EIF4G3: variants seen among roughly 807,000 people sequenced by gnomAD.
EIF4G3 encodes the protein eIF-4-gamma 3.
In EIF4G3, 34 loss-of-function variants were observed where a neutral mutation model predicts 186.4. That is an observed-to-expected ratio of 0.18 (90% CI 0.14 to 0.24). The LOEUF (loss-of-function observed/expected upper bound fraction) is 0.24. Among genes scored for constraint, EIF4G3 ranks in the 10% least tolerant of loss-of-function variants. The pLI, the probability that EIF4G3 is intolerant of heterozygous loss-of-function variation, is 1.00. For synonymous variants in EIF4G3, 673 were observed against 679.5 expected (o/e 0.99, Z 0.15); for missense variants, 1,536 against 1,948.5 (o/e 0.79, Z 3.99).
intron 10 of EIF4G3, among the ~76,000 whole-genome samples, chr1:20,976,146 GA>G (rs957953554): frequency 9.3e-5 from 14 of 150,292 alleles, no homozygotes; most frequent in African/African-American, 3.2e-4. Context: ...TTTTTTATGT[GA>G]ACCTTGGTTT....
chr1:20,980,279 C>T, intron 10 of EIF4G3, 55 bp downstream of exon 10: 1 of 1,334,752 alleles, frequency 7.5e-7, no homozygotes, highest in Non-Finnish European at 1.0e-6. Flanking sequence ...CACCAAGCAA[C>T]AAAATTAAAT....
intron 2 of EIF4G3, among the ~76,000 whole-genome samples, chr1:21,166,792 G>T (rs1018463347): frequency 6.6e-6 from 1 of 151,844 alleles, no homozygotes. Context: ...GTTTTGGGGG[G>T]TTTTTTTGAG....
intron 3 of EIF4G3, among the ~76,000 whole-genome samples, chr1:21,085,066 T>C (rs1003105317): frequency 6.6e-6 from 1 of 151,224 alleles, no homozygotes; most frequent in Non-Finnish European, 1.5e-5. Flanking sequence ...AGAAATGTTA[T>C]CTAAGGAATG....
intron 10 of EIF4G3, among the ~76,000 whole-genome samples, chr1:20,974,419 T>C (rs1212897001): frequency 6.6e-6 from 1 of 152,102 alleles, no homozygotes; most frequent in Non-Finnish European, 1.5e-5. Context: ...TATTCAAGAA[T>C]GAGGGCTGTG....
At chr1:20,861,303 A>AT (rs1285041108) in intron 23 of EIF4G3, among the ~76,000 whole-genome samples, 32 of 152,354 alleles carry the variant, frequency 2.1e-4, no homozygotes, top group African/African-American at 7.0e-4. Context: ...AACTTACAAA[A>AT]GAGTAACTCC....
chr1:20,986,477 C>G, intron 7 of EIF4G3, among the ~76,000 whole-genome samples: 1 of 152,082 alleles, frequency 6.6e-6, no homozygotes. Context: ...TCTGGCTAAA[C>G]AAGCCATCAT....
intron 33 of EIF4G3, among the ~76,000 whole-genome samples, chr1:20,818,134 A>T (rs2061509696): frequency 6.6e-6 from 1 of 152,114 alleles, no homozygotes; most frequent in Non-Finnish European, 1.5e-5. Flanking sequence ...TCTTCCCCTT[A>T]GCTGCAACAT....
Position 20,858,285 on chromosome 1 carries a change from C to T in EIF4G3, c.3245-788G>A, listed in dbSNP as rs1016878513. Among the ~76,000 whole-genome samples the T allele has an allele frequency of 7.2e-5, 11 of 152,296 alleles. No homozygotes were observed. In the South Asian group the frequency reaches 2.3e-3, roughly 32 times the overall value. On this transcript the variant is annotated intron_variant, in intron 24 of 36. Transcript: ENST00000602326. ...TCTGGCTCCTGCTGCCTCTAAGTCCCCATCTTCTACCACTCTCCCCGTCAG... is the reference window on the plus strand; with the variant it reads ...TCTGGCTCCTGCTGCCTCTAAGTCCTCATCTTCTACCACTCTCCCCGTCAG...
At chr1:21,104,569 AAC>A (rs537833751) in intron 2 of EIF4G3, among the ~76,000 whole-genome samples, 18 of 152,342 alleles carry the variant, frequency 1.2e-4, no homozygotes, top group African/African-American at 3.8e-4. Context: ...GTCAAAAAAT[AAC>A]AGAGGCTGAC....
rs760206825 is a variant in EIF4G3, at chr1:20,942,260, C to T, written c.894G>A (p.Glu298=). 452 of 1,613,696 alleles carry T rather than the reference C, an allele frequency of 2.8e-4. No homozygotes were observed. Among genetic ancestry groups the T allele is most frequent in the Non-Finnish European group, 3.7e-4 (438 of 1,179,816 alleles). Residue 298 remains glutamate, a synonymous_variant, in exon 14 of 37, where the codon GAG becomes GAA. Coordinates refer to ENST00000602326, the MANE Select transcript of EIF4G3 (RefSeq NM_001391906.1). ...ATGTCTGGCCTTCTTGTTCTTTCTT[C>T]TCTCCACTGAGGACTAGCCTAAGGA... The part of the protein sequence containing the change: ...SPVLRLVLSG[E]KKEQEGQTSE...
At chr1:20,869,267 C>T (rs573818891) in intron 20 of EIF4G3, among the ~76,000 whole-genome samples, 217 of 150,874 alleles carry the variant, frequency 1.4e-3, no homozygotes, top group Non-Finnish European at 2.5e-3. Flanking sequence ...TCTGTGCTAA[C>T]TCTAAAACTC....
intron 1 of EIF4G3, among the ~76,000 whole-genome samples, 143 bp downstream of exon 1, chr1:21,176,567 ACGCCGCCGCCGC>A (rs948854829): frequency 6.1e-5 from 7 of 115,240 alleles, no homozygotes; most frequent in African/African-American, 1.3e-4. Context: ...CACACGCCCG[ACGCCGCCGCCGC>A]CGCCGCCGCC....
intron 14 of EIF4G3, among the ~76,000 whole-genome samples, chr1:20,912,199 C>T (rs140259313): frequency 1.2e-4 from 19 of 152,296 alleles, no homozygotes; most frequent in African/African-American, 4.6e-4. Context: ...ATTGCCCAAG[C>T]CTGGGACATT....
chr1:21,152,522 T>TA (rs1233563912), intron 2 of EIF4G3, among the ~76,000 whole-genome samples: 1 of 151,318 alleles, frequency 6.6e-6, no homozygotes, highest in African/African-American at 2.4e-5. Context: ...TTTATAAAAG[T>TA]AAAATCCATT....
chr1:20,888,709 A>ATGTATATATATAT (rs2085007458), intron 18 of EIF4G3, among the ~76,000 whole-genome samples: 1 of 152,190 alleles, frequency 6.6e-6, no homozygotes, highest in African/African-American at 2.4e-5. Context: ...TAGGATATAA[A>ATGTATATATATAT]CCATGTAAAA....
chr1:20,933,663 GAAAAAC>G lies in EIF4G3; in HGVS notation c.1663+7822_1663+7827del, dbSNP rs1180424635. On this transcript the variant is annotated intron_variant, in intron 14 of 36. Coordinates refer to ENST00000602326, the MANE Select transcript of EIF4G3 (RefSeq NM_001391906.1). ...AGAGTGAGACTCTATCTTGTGGGGGGAAAAACAAAAACAAAAACAGGGCACCTTGTG... is the reference window on the plus strand; with the variant it reads ...AGAGTGAGACTCTATCTTGTGGGGGGAAAAACAAAAACAGGGCACCTTGTG... Among the ~76,000 whole-genome samples the G allele has an allele frequency of 2.6e-5, 4 of 151,546 alleles. No individual in the cohort carries two copies. The East Asian group carries it at 5.8e-4, about 22-fold the overall frequency.
At chr1:21,098,496 G>A (rs767774035) in intron 2 of EIF4G3, among the ~76,000 whole-genome samples, 18 of 124,840 alleles carry the variant, frequency 1.4e-4, no homozygotes, top group South Asian at 7.9e-4. Context: ...CAGAGATCAC[G>A]CCACAGTACT....
At position 21,051,129 on chromosome 1, in the gene EIF4G3, C is replaced by CTT. The variant is rs2094190022; in HGVS notation, c.-195-136_-195-135insAA. 5 of 573,456 alleles carry CTT rather than the reference C, an allele frequency of 8.7e-6. No individual in the cohort carries two copies. In the East Asian group the frequency reaches 1.6e-4, roughly 18 times the overall value. The allele number at this position is 573,456 out of a possible 1,614,324, so 35.5% of individuals were successfully genotyped here. On this transcript the variant is annotated intron_variant, in intron 3 of 36. Coordinates refer to ENST00000602326, the MANE Select transcript of EIF4G3 (RefSeq NM_001391906.1). The stretch of plus-strand genomic sequence containing the variant: ...TAAAATAAGCACGAGACTGAACAAA[C>CTT]ACTTAAAATTTTTAAAATTGAAAAA...
At chr1:21,084,742 C>G (rs1029264619) in intron 3 of EIF4G3, among the ~76,000 whole-genome samples, 1 of 152,020 alleles carries the variant, frequency 6.6e-6, no homozygotes, top group Non-Finnish European at 1.5e-5. Context: ...TTAATTGCCA[C>G]CTTTTCAGAG....
Sources: gnomAD v4.1 joint callset for allele counts (sites outside exome capture counted in the v4.1 genomes callset) on GRCh38, gnomAD v4.1.1 for gene constraint, MANE v1.5 for transcripts, NCBI Gene and HGNC (gene_info 2026-07-23, HGNC 2026-07-21) for gene names.